The following EBF1 variants were observed in gnomAD, a reference collection of about 807,000 sequenced individuals.
EBF1 encodes the protein transcription factor COE1.
In EBF1, 10 loss-of-function variants were observed where a neutral mutation model predicts 68.4. That is an observed-to-expected ratio of 0.15 (90% CI 0.09 to 0.25). EBF1 has a LOEUF of 0.25. EBF1 is among the 10% of genes least tolerant of loss of function. The pLI, the probability that EBF1 is intolerant of heterozygous loss-of-function variation, is 1.00. For missense variants in EBF1, 509 were observed against 794.4 expected (o/e 0.64, Z 4.32); for synonymous variants, 298 against 299.8 (o/e 0.99, Z 0.06).
intron 6 of EBF1, among the ~76,000 whole-genome samples, chr5:158,942,261 G>T (rs144401990): frequency 6.6e-6 from 1 of 152,114 alleles, no homozygotes; most frequent in Non-Finnish European, 1.5e-5. Context: ...CCCCTATCTG[G>T]TAATATACAA....
intron 5 of EBF1, among the ~76,000 whole-genome samples, chr5:159,077,926 G>C (rs1418023109): frequency 6.6e-6 from 1 of 151,624 alleles, no homozygotes; most frequent in African/African-American, 2.4e-5. Context: ...TTTTTGTGGA[G>C]ACTGAGTCTC....
chr5:158,943,370 C>T (rs1158112848), intron 6 of EBF1, among the ~76,000 whole-genome samples: 2 of 151,986 alleles, frequency 1.3e-5, no homozygotes, highest in African/African-American at 4.8e-5. Context: ...ATTCCGGAGG[C>T]ACTGTGCCAG....
At chr5:158,821,417 G>A (rs1234940634) in intron 8 of EBF1, among the ~76,000 whole-genome samples, 1 of 152,180 alleles carries the variant, frequency 6.6e-6, no homozygotes, top group African/African-American at 2.4e-5. Context: ...TTTGCCTGGT[G>A]TCAGGAGCTT....
intron 6 of EBF1, among the ~76,000 whole-genome samples, chr5:159,044,973 TAAAC>T (rs1376301055): frequency 6.6e-6 from 1 of 152,214 alleles, no homozygotes; most frequent in Non-Finnish European, 1.5e-5. Context: ...GGGAAAATAT[TAAAC>T]AACCTTAAGA....
chr5:159,049,758 A>G (rs576612534), intron 6 of EBF1, among the ~76,000 whole-genome samples: 18 of 152,342 alleles, frequency 1.2e-4, no homozygotes, highest in Non-Finnish European at 2.2e-4. Context: ...TAGAAATAGC[A>G]TAAGATTTCC....
chr5:158,904,408 G>A (rs1044784109), intron 6 of EBF1, among the ~76,000 whole-genome samples: 6 of 152,118 alleles, frequency 3.9e-5, no homozygotes, highest in African/African-American at 1.4e-4. Flanking sequence ...TGTGTTGCAA[G>A]CCCAAAACTT....
chr5:158,917,682 C>A (rs1807516889), intron 6 of EBF1, among the ~76,000 whole-genome samples: 1 of 149,438 alleles, frequency 6.7e-6, no homozygotes, highest in Non-Finnish European at 1.5e-5. Flanking sequence ...GAATAGACTT[C>A]TTCTATTATA....
intron 9 of EBF1, among the ~76,000 whole-genome samples, chr5:158,780,468 C>T (rs1182419141): frequency 6.6e-6 from 1 of 152,072 alleles, no homozygotes; most frequent in African/African-American, 2.4e-5. Flanking sequence ...TATATACCAC[C>T]TATACAATTA....
At chr5:158,946,923 G>A (rs959123107) in intron 6 of EBF1, among the ~76,000 whole-genome samples, 23 of 152,190 alleles carry the variant, frequency 1.5e-4, no homozygotes, top group Admixed American at 2.0e-4. Flanking sequence ...TGGCTACAGC[G>A]GCTCTGTGGC....
At chr5:158,953,281 G>T (rs969233324) in intron 6 of EBF1, among the ~76,000 whole-genome samples, 5 of 152,186 alleles carry the variant, frequency 3.3e-5, no homozygotes, top group African/African-American at 4.8e-5. Context: ...GTTTTAAGCA[G>T]TTGTAATTGC....
intron 6 of EBF1, among the ~76,000 whole-genome samples, chr5:158,878,639 C>A (rs956658969): frequency 1.0e-5 from 1 of 97,892 alleles, no homozygotes; most frequent in Non-Finnish European, 1.9e-5. Context: ...CTACTTCTAG[C>A]CAGCCTTTTT....
intron 6 of EBF1, among the ~76,000 whole-genome samples, chr5:158,917,426 C>G (rs1807448607): frequency 6.6e-6 from 1 of 152,192 alleles, no homozygotes; most frequent in Admixed American, 6.5e-5. Flanking sequence ...AAAGTAATAA[C>G]AACACAGACC....
intron 6 of EBF1, among the ~76,000 whole-genome samples, chr5:159,025,698 G>A (rs1312525009): frequency 6.6e-6 from 1 of 152,158 alleles, no homozygotes; most frequent in African/African-American, 2.4e-5. Context: ...CCTGAACCCT[G>A]TAAGATTTTT....
In EBF1 at chr5:158,713,128, G is replaced by A. The variant is rs1400743568; in HGVS notation, c.1211C>T (p.Ala404Val). ...GTACAGGGCCTCGGCAATGTCGGCCGCTCTCTTCAGAATGATTTCCTGAAA... is the reference window on the plus strand; with the variant it reads ...GTACAGGGCCTCGGCAATGTCGGCCACTCTCTTCAGAATGATTTCCTGAAA... ...HNNQEIILKR[A>V]ADIAEALYSV... The change falls in exon 13 of 16, where the codon GCG becomes GTG. Residue 404 changes from alanine (A) to valine (V), a missense_variant. Transcript: ENST00000313708. 6.0e-6 allele frequency: 9 copies of A among 1,509,174 alleles called. No homozygotes were observed. The highest frequency in any genetic ancestry group is 2.4e-5 in the East Asian group (1 of 41,004). 93.5% of individuals were successfully genotyped at this position (1,509,174 alleles called of 1,614,324 possible).
At chr5:158,999,603 G>A (rs1462810016) in intron 6 of EBF1, among the ~76,000 whole-genome samples, 3 of 152,150 alleles carry the variant, frequency 2.0e-5, no homozygotes, top group Admixed American at 6.5e-5. Context: ...ACAGAGAACT[G>A]ATCAGTGTGT....
chr5:158,736,132 T>A (rs1765134540), intron 10 of EBF1, among the ~76,000 whole-genome samples: 1 of 152,124 alleles, frequency 6.6e-6, no homozygotes, highest in African/African-American at 2.4e-5. Flanking sequence ...ACACATCAAA[T>A]AAAGGAAATT....
intron 6 of EBF1, among the ~76,000 whole-genome samples, chr5:159,027,494 C>T (rs1467122728): frequency 6.6e-6 from 1 of 152,202 alleles, no homozygotes; most frequent in Middle Eastern, 3.2e-3. Flanking sequence ...TTCTTTCTCA[C>T]ACTACCACAC....
At position 158,729,719 on chromosome 5, in the gene EBF1, C is replaced by G. The variant is rs975155745; in HGVS notation, c.1125+1350G>C. On this transcript the variant is annotated intron_variant, in intron 11 of 15. Transcript: ENST00000313708. ...TGGAAAAGGAAAGGGAAGGACAGCA[C>G]TTCAGTGGAAGTGAGGTTGTTCTTG... Among the ~76,000 whole-genome samples, 4 of 152,210 alleles carry G rather than the reference C, an allele frequency of 2.6e-5. No homozygotes were observed. The South Asian group carries it at 8.3e-4, about 32-fold the overall frequency.
At chr5:158,810,465 T>C (rs1173322660) in intron 8 of EBF1, among the ~76,000 whole-genome samples, 4 of 152,172 alleles carry the variant, frequency 2.6e-5, no homozygotes, top group African/African-American at 9.7e-5. Flanking sequence ...TTGCACTATC[T>C]TGAAATTTTT....
Sources: gnomAD v4.1 joint callset for allele counts (sites outside exome capture counted in the v4.1 genomes callset) on GRCh38, gnomAD v4.1.1 for gene constraint, MANE v1.5 for transcripts, NCBI Gene and HGNC (gene_info 2026-07-23, HGNC 2026-07-21) for gene names.